The following TTLL5 variants were observed in gnomAD, a reference collection of about 807,000 sequenced individuals.
TTLL5 encodes tubulin tyrosine ligase like 5.
Under a neutral mutation model 168.4 loss-of-function variants are expected in TTLL5, and 132 were observed. The observed-to-expected ratio is 0.78, with a 90% CI of 0.68 to 0.91. TTLL5 has a LOEUF of 0.91. Ranked by LOEUF, TTLL5 falls within the 40% of genes least tolerant of loss-of-function variation. The pLI, the probability that TTLL5 is intolerant of heterozygous loss-of-function variation, is 0.00. For missense variants in TTLL5, 1,545 were observed against 1,581.5 expected (o/e 0.98, Z 0.39); for synonymous variants, 546 against 558.6 (o/e 0.98, Z 0.32).
intron 31 of TTLL5, among the ~76,000 whole-genome samples, chr14:75,934,712 GA>G (rs1315615594): frequency 6.6e-6 from 1 of 151,796 alleles, no homozygotes; most frequent in Non-Finnish European, 1.5e-5. Context: ...TATGGAAAGT[GA>G]AAAAAAATTA....
intron 27 of TTLL5, chr14:75,818,654 A>ATTT (rs34861864): frequency 4.2e-5 from 6 of 143,190 alleles, no homozygotes; most frequent in South Asian, 1.2e-4. Context: ...CGCCTGGCTA[A>ATTT]TTTTTTTTTT....
chr14:75,664,342 G>C (rs983769362), intron 2 of TTLL5, among the ~76,000 whole-genome samples: 1 of 152,172 alleles, frequency 6.6e-6, no homozygotes, highest in East Asian at 1.9e-4. Flanking sequence ...AGAGTAAAGA[G>C]AGAATCTGGT....
intron 28 of TTLL5, among the ~76,000 whole-genome samples, chr14:75,847,474 ATAAT>A (rs1423414533): frequency 7.8e-6 from 1 of 127,828 alleles, no homozygotes; most frequent in East Asian, 2.1e-4. Context: ...AGTAACAATA[ATAAT>A]TAAATGCTTT....
intron 31 of TTLL5, among the ~76,000 whole-genome samples, chr14:75,938,822 G>T (rs943586279): frequency 1.3e-5 from 2 of 152,124 alleles, no homozygotes; most frequent in African/African-American, 4.8e-5. Context: ...GTCATCCCTA[G>T]CACATGAGAT....
At chr14:75,773,954 AGAAAGAG>A (rs1566598135) in intron 21 of TTLL5, among the ~76,000 whole-genome samples, 12 of 39,762 alleles carry the variant, frequency 3.0e-4, no homozygotes, top group African/African-American at 8.9e-4. Flanking sequence ...AGAGAGAGAG[AGAAAGAG>A]AGAGAGAGAG....
At chr14:75,897,564 C>G (rs1595228726) in intron 30 of TTLL5, among the ~76,000 whole-genome samples, 1 of 152,096 alleles carries the variant, frequency 6.6e-6, no homozygotes, top group East Asian at 1.9e-4. Flanking sequence ...GCAACCTCTG[C>G]CTCCTGGGTT....
chr14:75,878,640 G>T (rs2031632980), intron 29 of TTLL5, among the ~76,000 whole-genome samples: 1 of 152,208 alleles, frequency 6.6e-6, no homozygotes, highest in Admixed American at 6.5e-5. Flanking sequence ...AACAAAGTCA[G>T]AGTAGTAATA....
chr14:75,664,970 G>A (rs999234006), intron 2 of TTLL5, among the ~76,000 whole-genome samples: 1 of 152,182 alleles, frequency 6.6e-6, no homozygotes, highest in African/African-American at 2.4e-5. Flanking sequence ...ATTGCAGATA[G>A]TTTGACCTAA....
At chr14:75,932,160 TCTTGTGTC>T (rs2034297472) in intron 31 of TTLL5, among the ~76,000 whole-genome samples, 1 of 152,218 alleles carries the variant, frequency 6.6e-6, no homozygotes, top group African/African-American at 2.4e-5. Context: ...CTTCTGTACT[TCTTGTGTC>T]CTTTGGACTT....
chr14:75,938,263 A>C (rs2034493005), intron 31 of TTLL5, among the ~76,000 whole-genome samples: 1 of 152,246 alleles, frequency 6.6e-6, no homozygotes, highest in South Asian at 2.1e-4. Flanking sequence ...CAGAGGTAGA[A>C]TTGAGCAATC....
Position 75,863,742 on chromosome 14 carries a change from C to G in TTLL5, c.3402C>G (p.Val1134=). 1 of 1,613,388 alleles carries G rather than the reference C, an allele frequency of 6.2e-7. No individual in the cohort carries two copies. Among genetic ancestry groups the G allele is most frequent in the South Asian group, 1.1e-5 (1 of 91,008 alleles). ...TGTACAGCCAGGCTACAGGGGTGGT[C>G]CCCCAGCACAAGTATCACCCCACAG... The part of the protein sequence containing the change: ...NNVYSQATGV[V]PQHKYHPTAG... Residue 1134 remains valine (V), a synonymous_variant, in exon 29 of 32, where the codon GTC becomes GTG. Transcript: ENST00000298832.
rs977927246 is a variant in TTLL5 at position 75,766,204 on chromosome 14, A to G, written c.1851A>G (p.Lys617=). The change falls in exon 20 of 32, where the codon AAA becomes AAG. Residue 617 remains lysine (K), a synonymous_variant. Coordinates refer to ENST00000298832, the MANE Select transcript of TTLL5 (RefSeq NM_015072.5). Reference sequence around the variant, plus strand: ...GATTTCTTAGAGAAAATCAAGCCAAATATACACCCTCATTGACAGCTTTGG... The same window carrying G: ...GATTTCTTAGAGAAAATCAAGCCAAGTATACACCCTCATTGACAGCTTTGG... ...SAGFLRENQA[K]YTPSLTALVE... 6 of 1,614,084 alleles carry G rather than the reference A, an allele frequency of 3.7e-6. No individual in the cohort carries two copies. Among genetic ancestry groups the G allele is most frequent in the East Asian group, 4.5e-5 (2 of 44,862 alleles).
chr14:75,677,997 C>G (rs1302396228), intron 3 of TTLL5, among the ~76,000 whole-genome samples: 1 of 152,060 alleles, frequency 6.6e-6, no homozygotes, highest in African/African-American at 2.4e-5. Flanking sequence ...ACACACCTTA[C>G]TGATCACCTC....
At chr14:75,886,228 G>C (rs1191356039) in intron 30 of TTLL5, among the ~76,000 whole-genome samples, 2 of 152,198 alleles carry the variant, frequency 1.3e-5, no homozygotes, top group African/African-American at 2.4e-5. Flanking sequence ...CCACATCCTA[G>C]AGGGTTGAGT....
chr14:75,951,704 G>A (rs971216579), intron 31 of TTLL5, among the ~76,000 whole-genome samples: 1 of 152,186 alleles, frequency 6.6e-6, no homozygotes, highest in African/African-American at 2.4e-5. Context: ...TGAGGCTGTG[G>A]TGAGCCATGA....
chr14:75,763,861 C>G (rs1890809206), intron 18 of TTLL5, among the ~76,000 whole-genome samples: 1 of 152,178 alleles, frequency 6.6e-6, no homozygotes, highest in Admixed American at 6.5e-5. Flanking sequence ...ATGTATTTAG[C>G]CTTGTCCTAT....
chr14:75,820,995 A>G (rs1173148214), intron 28 of TTLL5, among the ~76,000 whole-genome samples: 5 of 152,156 alleles, frequency 3.3e-5, no homozygotes, highest in African/African-American at 1.2e-4. Flanking sequence ...TGCCCGACCA[A>G]GCCCTCACGC....
At chr14:75,687,023 A>G (rs992428072) in intron 5 of TTLL5, among the ~76,000 whole-genome samples, 3 of 152,212 alleles carry the variant, frequency 2.0e-5, no homozygotes, top group African/African-American at 7.2e-5. Context: ...GGGTATATTT[A>G]TCAACAGTCA....
chr14:75,677,731 C>CCTCA (rs1884286848), intron 3 of TTLL5, among the ~76,000 whole-genome samples: 1 of 151,856 alleles, frequency 6.6e-6, no homozygotes, highest in African/African-American at 2.4e-5. Flanking sequence ...AGTCCTCTTA[C>CCTCA]CTCAGCCTCC....
Sources: allele counts gnomAD v4.1 joint callset (sites outside exome capture counted in the v4.1 genomes callset), GRCh38; gene constraint gnomAD v4.1.1; transcripts MANE v1.5; gene names NCBI Gene and HGNC (gene_info 2026-07-23, HGNC 2026-07-21).